MYO5B: variants seen among roughly 807,000 people sequenced by gnomAD.
MYO5B encodes myosin VB, also known as unconventional myosin-Vb.
A neutral mutation model predicts 229.3 loss-of-function variants in MYO5B; 143 were observed. The ratio of observed to expected loss-of-function variants is 0.62; its 90% CI spans 0.54 to 0.72. MYO5B has a LOEUF of 0.72. Among genes scored for constraint, MYO5B ranks in the 30% least tolerant of loss-of-function variants. The pLI, the probability that MYO5B is intolerant of heterozygous loss-of-function variation, is 0.00. For synonymous variants in MYO5B, 918 were observed against 885.2 expected, an observed-to-expected ratio of 1.04 and a Z score of -0.66; for missense variants, 2,321 against 2,331.0, an observed-to-expected ratio of 1.00 and a Z score of 0.09.
At chr18:49,911,507 T>A (rs1015452557) in intron 18 of MYO5B, among the ~76,000 whole-genome samples, 1 of 152,244 alleles carries the variant, frequency 6.6e-6, no homozygotes, top group Admixed American at 6.5e-5. Flanking sequence ...TTTACTCATA[T>A]AATCTTAAGA....
intron 1 of MYO5B, among the ~76,000 whole-genome samples, chr18:50,105,158 C>G (rs2031731959): frequency 6.6e-6 from 1 of 150,668 alleles, no homozygotes; most frequent in Non-Finnish European, 1.5e-5. Context: ...AAGACCGGGA[C>G]CAGTCACTAG....
chr18:49,839,272 G>T lies in MYO5B; in HGVS notation c.4724C>A (p.Ala1575Glu), dbSNP rs746119015. The T allele has an allele frequency of 5.0e-6, 8 of 1,614,092 alleles. No homozygotes were observed. Among genetic ancestry groups the T allele is most frequent in the Non-Finnish European group, 5.1e-6 (6 of 1,180,050 alleles). The change falls in exon 36 of 40, where the codon GCA (alanine) becomes GAA (glutamate). Residue 1575 changes from alanine (A) to glutamate (E), a missense_variant. By Grantham distance (107) the Ala-to-Glu change is moderately radical. Transcript: ENST00000285039. Reference protein sequence around the residue: ...GDEGFMTQNTAKQNEHCLKNF... With the variant: ...GDEGFMTQNTEKQNEHCLKNF... ...CTTAAGACAGTGTTCATTCTGCTTTGCAGTGTTCTGAGTCATGAAGCCCTG... is the reference window on the plus strand; with the variant it reads ...CTTAAGACAGTGTTCATTCTGCTTTTCAGTGTTCTGAGTCATGAAGCCCTG...
At chr18:49,936,698 G>C (rs1272297857) in intron 15 of MYO5B, among the ~76,000 whole-genome samples, 1 of 152,182 alleles carries the variant, frequency 6.6e-6, no homozygotes, top group Non-Finnish European at 1.5e-5. Context: ...TCCTAAACCT[G>C]AGGGCCTGGG....
chr18:50,189,040 C>T (rs748728105), intron 1 of MYO5B, among the ~76,000 whole-genome samples: 1 of 152,110 alleles, frequency 6.6e-6, no homozygotes, highest in Non-Finnish European at 1.5e-5. Flanking sequence ...AAGAAAAAAA[C>T]CACATGCAAG....
At chr18:50,001,000 ACT>A (rs982852811) in intron 5 of MYO5B, among the ~76,000 whole-genome samples, 1 of 152,210 alleles carries the variant, frequency 6.6e-6, no homozygotes, top group African/African-American at 2.4e-5. Flanking sequence ...AGGGACAGTC[ACT>A]GTCACTACAG....
At chr18:49,829,353 C>T (rs762846596) in intron 39 of MYO5B, among the ~76,000 whole-genome samples, 1 of 151,872 alleles carries the variant, frequency 6.6e-6, no homozygotes, top group Non-Finnish European at 1.5e-5. Context: ...AATTGGATAA[C>T]CTAGATGAAA....
At position 49,839,311 on chromosome 18, in the gene MYO5B, G is replaced by A. The variant is rs189047563; in HGVS notation, c.4702-17C>T. On this transcript the variant is annotated splice_polypyrimidine_tract_variant and intron_variant, in intron 35 of 39. Transcript: ENST00000285039. Reference sequence around the variant, plus strand: ...CATGAAGCCCTGCAGAGGGAGAGGCGTGCACTACTGAGTTCTCTGGTCTGC... The same window carrying A: ...CATGAAGCCCTGCAGAGGGAGAGGCATGCACTACTGAGTTCTCTGGTCTGC... 2.9e-4 allele frequency: 460 copies of A among 1,611,782 alleles called. No individual in the cohort carries two copies. In the African/African-American group the frequency reaches 5.2e-3, roughly 18 times the overall value.
At chr18:49,868,980 G>C (rs547482852) in intron 27 of MYO5B, among the ~76,000 whole-genome samples, 1 of 152,204 alleles carries the variant, frequency 6.6e-6, no homozygotes, top group Non-Finnish European at 1.5e-5. Flanking sequence ...ATCACTACTT[G>C]TCAAGGTGTC....
chr18:49,851,486 A>G (rs909632407), intron 31 of MYO5B, among the ~76,000 whole-genome samples: 1 of 152,262 alleles, frequency 6.6e-6, no homozygotes, highest in East Asian at 1.9e-4. Context: ...AAGGGAACAT[A>G]GTGCTGGCCA....
intron 7 of MYO5B, among the ~76,000 whole-genome samples, chr18:49,985,429 G>T (rs1417790600): frequency 6.6e-6 from 1 of 152,164 alleles, no homozygotes; most frequent in Non-Finnish European, 1.5e-5. Context: ...GTAAGGAAGG[G>T]CCCAGGTGGT....
chr18:50,106,218 C>T (rs186740077), intron 1 of MYO5B, among the ~76,000 whole-genome samples: 3 of 152,316 alleles, frequency 2.0e-5, no homozygotes, highest in Admixed American at 2.0e-4. Flanking sequence ...CCATCCCCTC[C>T]ACCACTGCCA....
At chr18:50,146,334 A>C (rs62101497) in intron 1 of MYO5B, among the ~76,000 whole-genome samples, 11,048 of 152,292 alleles carry the variant, frequency 0.073, 515 homozygotes, top group Middle Eastern at 0.17. Flanking sequence ...GGAAGGAAGA[A>C]CTTTGGAAAG....
intron 35 of MYO5B, 117 bp from the exon 36 acceptor site, chr18:49,839,411 T>TC: frequency 1.8e-6 from 2 of 1,103,820 alleles, no homozygotes; most frequent in Admixed American, 3.4e-5. Context: ...ACTCAGGCCC[T>TC]CCCTATGTAG....
chr18:50,129,176 C>T (rs1255884152), intron 1 of MYO5B, among the ~76,000 whole-genome samples: 2 of 152,182 alleles, frequency 1.3e-5, no homozygotes, highest in Admixed American at 6.5e-5. Flanking sequence ...TGGGCCCAAG[C>T]AGGACTGTGG....
At chr18:50,193,448 G>A (rs76580453) in intron 1 of MYO5B, among the ~76,000 whole-genome samples, 6,536 of 152,366 alleles carry the variant, frequency 0.043, 164 homozygotes, top group Non-Finnish European at 0.055. Flanking sequence ...CCTCCAGGAG[G>A]AATGGGAGAG....
chr18:49,864,417 T>G (rs776525298), intron 27 of MYO5B, 37 bp from the exon 28 acceptor site: 1 of 1,610,062 alleles, frequency 6.2e-7, no homozygotes. Flanking sequence ...CATTACTCCC[T>G]GCCCTAGGGC....
In MYO5B at chr18:49,825,572, TAA is replaced by T. The variant is rs1382152985; in HGVS notation, c.*897_*898del. The T allele has an allele frequency of 6.6e-6, 1 of 152,212 alleles. No homozygotes were observed. The highest frequency in any genetic ancestry group is 2.4e-5 in the African/African-American group (1 of 41,458). 9.4% of individuals were successfully genotyped at this position (152,212 alleles called of 1,614,324 possible). On this transcript the variant is annotated 3_prime_UTR_variant, in exon 40 of 40. Coordinates refer to ENST00000285039, the MANE Select transcript of MYO5B (RefSeq NM_001080467.3). ...GCTCTTACTGGAAGCTTAATGGTAT[TAA>T]GAGATTAAAAGCTTTCATATTGACT... is the stretch of plus-strand genomic sequence containing the variant.
chr18:50,159,210 C>T (rs17660456), intron 1 of MYO5B, among the ~76,000 whole-genome samples: 1 of 152,130 alleles, frequency 6.6e-6, no homozygotes, highest in East Asian at 1.9e-4. Context: ...CAGGGAAGAT[C>T]TCCTGACTCC....
intron 1 of MYO5B, among the ~76,000 whole-genome samples, chr18:50,138,178 C>T (rs1568121082): frequency 6.6e-6 from 1 of 152,176 alleles, no homozygotes; most frequent in Non-Finnish European, 1.5e-5. Flanking sequence ...CCCACAAGCA[C>T]AACCTTCACA....
Sources: gnomAD v4.1 joint callset for allele counts (sites outside exome capture counted in the v4.1 genomes callset) on GRCh38, gnomAD v4.1.1 for gene constraint, MANE v1.5 for transcripts, NCBI Gene and HGNC (gene_info 2026-07-23, HGNC 2026-07-21) for gene names.